Variants in SAMD12 observed in about 807,000 individuals in gnomAD.
SAMD12 encodes sterile alpha motif domain containing 12, also known as sterile alpha motif domain-containing protein 12.
In SAMD12, 9 loss-of-function variants were observed where a neutral mutation model predicts 15.0. The observed-to-expected ratio is 0.60, with a 90% confidence interval of 0.36 to 1.05. SAMD12 has a LOEUF of 1.05. Ranked by LOEUF, SAMD12 falls within the 50% of genes least tolerant of loss-of-function variation. SAMD12 has a pLI of 0.01. For missense variants in SAMD12, 230 were observed against 234.2 expected (o/e 0.98, Z 0.12); for synonymous variants, 86 against 90.1 (o/e 0.96, Z 0.25).
intron 4 of SAMD12, among the ~76,000 whole-genome samples, chr8:118,209,144 A>G (rs2451146): frequency 6.6e-6 from 1 of 152,146 alleles, no homozygotes; most frequent in African/African-American, 2.4e-5. Context: ...ACAGTCTCCA[A>G]GGTTATTATA....
chr8:118,165,879 A>G, the SAMD12 span, among the ~76,000 whole-genome samples: 1 of 151,436 alleles, frequency 6.6e-6, no homozygotes, highest in Non-Finnish European at 1.5e-5. Flanking sequence ...TGCCTCCTAA[A>G]CCATTGGTTT....
chr8:118,366,541 G>A (rs1041123221), intron 4 of SAMD12, among the ~76,000 whole-genome samples: 5 of 152,226 alleles, frequency 3.3e-5, no homozygotes, highest in East Asian at 3.9e-4. Flanking sequence ...GGCTGGGCAC[G>A]GTGGCTCATG....
chr8:118,450,800 A>G (rs1012328122), intron 2 of SAMD12, among the ~76,000 whole-genome samples: 9 of 152,146 alleles, frequency 5.9e-5, no homozygotes, highest in Non-Finnish European at 1.3e-4. Context: ...AGAATGTGGC[A>G]GAGGTGGTGA....
At chr8:118,150,390 T>A in the SAMD12 span, among the ~76,000 whole-genome samples, 1 of 150,804 alleles carries the variant, frequency 6.6e-6, no homozygotes, top group East Asian at 1.9e-4. Context: ...GTTTTTTCTC[T>A]TTTTTTTAGA....
rs1181834160 is a variant in SAMD12 at position 118,379,366 on chromosome 8, GC to G, written c.*50del. 1 of 1,578,354 alleles carries G rather than the reference GC, an allele frequency of 6.3e-7. No homozygotes were observed. The highest frequency in any genetic ancestry group is 1.2e-5 in the South Asian group (1 of 86,216). Reference sequence around the variant, plus strand: ...GTTTGCTCATCCATTACTTATTTGTGCATCCTTCTCCCTAGTGAGCTATGAA... The same window carrying G: ...GTTTGCTCATCCATTACTTATTTGTGATCCTTCTCCCTAGTGAGCTATGAA... On this transcript the variant is annotated 3_prime_UTR_variant, in exon 4 of 4. Coordinates refer to ENST00000314727, the MANE Select transcript of SAMD12 (RefSeq NM_207506.3).
intron 2 of SAMD12, among the ~76,000 whole-genome samples, chr8:118,552,591 A>G (rs1192876421): frequency 1.3e-5 from 2 of 152,224 alleles, no homozygotes; most frequent in Non-Finnish European, 2.9e-5. Flanking sequence ...ATGGGCAAAA[A>G]CTGGAAGCAT....
intron 4 of SAMD12, among the ~76,000 whole-genome samples, chr8:118,361,134 A>C (rs1013916163): frequency 6.6e-6 from 1 of 151,628 alleles, no homozygotes; most frequent in African/African-American, 2.4e-5. Flanking sequence ...CCTGATTCCA[A>C]CTCCTGCCTT....
intron 4 of SAMD12, among the ~76,000 whole-genome samples, chr8:118,291,773 A>G (rs1000324940): frequency 6.6e-6 from 1 of 151,382 alleles, no homozygotes; most frequent in Non-Finnish European, 1.5e-5. Context: ...TGAAGCCACA[A>G]GCTGCTTCCT....
intron 4 of SAMD12, among the ~76,000 whole-genome samples, chr8:118,335,924 G>A (rs1031025158): frequency 2.6e-5 from 4 of 152,000 alleles, no homozygotes; most frequent in Non-Finnish European, 5.9e-5. Flanking sequence ...TTATAAAGAC[G>A]GGGTTGCCCA....
chr8:118,281,016 T>G (rs1813621545), intron 4 of SAMD12, among the ~76,000 whole-genome samples: 1 of 152,206 alleles, frequency 6.6e-6, no homozygotes, highest in African/African-American at 2.4e-5. Context: ...CATGGACTCT[T>G]TATATTGTTA....
intron 2 of SAMD12, among the ~76,000 whole-genome samples, chr8:118,515,241 G>A (rs776494394): frequency 7.7e-6 from 1 of 130,280 alleles, no homozygotes; most frequent in Admixed American, 9.1e-5. Flanking sequence ...CACTGTGTTA[G>A]CCAGGATGGT....
chr8:118,551,431 G>T (rs1163200596), intron 2 of SAMD12, among the ~76,000 whole-genome samples: 1 of 151,570 alleles, frequency 6.6e-6, no homozygotes, highest in East Asian at 1.9e-4. Context: ...TGACTACTGG[G>T]TACATAACGA....
At chr8:118,202,196 TTTA>T (rs994029370) in intron 4 of SAMD12, among the ~76,000 whole-genome samples, 2 of 152,174 alleles carry the variant, frequency 1.3e-5, no homozygotes, top group Admixed American at 6.5e-5. Context: ...CTACTATTGT[TTTA>T]TTATTATTAT....
Position 118,363,566 on chromosome 8 carries a change from C to T in SAMD12, c.433+15994G>A, listed in dbSNP as rs532056848. Among the ~76,000 whole-genome samples, 13 of 152,242 alleles carry T rather than the reference C, an allele frequency of 8.5e-5. No individual in the cohort carries two copies. In the South Asian group the frequency reaches 2.7e-3, roughly 32 times the overall value. ...GCCAGCTTTTGGAATGAAACTCACA[C>T]CATCTGCTCTCCTGGTCCTCAAGCC... On this transcript the variant is annotated intron_variant, in intron 4 of 4. Coordinates refer to the SAMD12 transcript ENST00000409003.
intron 4 of SAMD12, among the ~76,000 whole-genome samples, chr8:118,200,847 C>T (rs1586336244): frequency 6.6e-6 from 1 of 152,160 alleles, no homozygotes; most frequent in Admixed American, 6.5e-5. Context: ...GAGACAGGGT[C>T]TAGCTCTCAT....
intron 4 of SAMD12, among the ~76,000 whole-genome samples, chr8:118,233,965 C>T (rs1038548648): frequency 6.6e-6 from 1 of 152,176 alleles, no homozygotes; most frequent in Non-Finnish European, 1.5e-5. Context: ...CTGGTTCCCA[C>T]AGTAGAGCTG....
exon 5 of SAMD12, chr8:118,197,451 A>G: frequency 1.8e-6 from 1 of 560,978 alleles, no homozygotes; most frequent in Middle Eastern, 4.2e-4. Flanking sequence ...ACTGGAAGCA[A>G]TTTTCCAGCT....
intron 4 of SAMD12, among the ~76,000 whole-genome samples, chr8:118,259,820 G>C (rs1342079943): frequency 6.6e-6 from 1 of 152,012 alleles, no homozygotes; most frequent in Admixed American, 6.6e-5. Flanking sequence ...CAAAACCACC[G>C]TTCTTTAGAC....
intron 4 of SAMD12, chr8:118,197,823 C>G: frequency 9.0e-7 from 1 of 1,115,796 alleles, no homozygotes; most frequent in South Asian, 1.2e-5. Context: ...CAAACAAACC[C>G]TAACACCCTT....
Sources: allele counts gnomAD v4.1 joint callset (sites outside exome capture counted in the v4.1 genomes callset), GRCh38; gene constraint gnomAD v4.1.1; transcripts MANE v1.5; gene names NCBI Gene and HGNC (gene_info 2026-07-23, HGNC 2026-07-21).